Variants in CATSPERB observed in about 807,000 individuals in gnomAD.
CATSPERB encodes catsper channel auxiliary subunit beta, also known as cation channel sperm-associated auxiliary subunit beta.
In CATSPERB, 93 loss-of-function variants were observed where a neutral mutation model predicts 128.3. The observed-to-expected ratio is 0.72, with a 90% CI of 0.61 to 0.86. The LOEUF (loss-of-function observed/expected upper bound fraction) is 0.86. Ranked by LOEUF, CATSPERB falls within the 40% of genes least tolerant of loss-of-function variation. The pLI is 0.00. For synonymous variants in CATSPERB, 381 were observed against 448.8 expected (o/e 0.85, Z 1.91); for missense variants, 1,153 against 1,329.5 (o/e 0.87, Z 2.06).
At chr14:91,699,163 C>T (rs774862917) in intron 7 of CATSPERB, among the ~76,000 whole-genome samples, 6 of 152,178 alleles carry the variant, frequency 3.9e-5, no homozygotes, top group Non-Finnish European at 4.4e-5. Context: ...CTGCTATAAA[C>T]ATATGTGTGC....
chr14:91,704,806 T>C (rs894202608), intron 6 of CATSPERB, 105 bp from the exon 7 acceptor site: 3 of 1,224,974 alleles, frequency 2.4e-6, no homozygotes, highest in African/African-American at 1.5e-5. Context: ...AACTATTCTA[T>C]AGTTCAAAAA....
intron 7 of CATSPERB, among the ~76,000 whole-genome samples, chr14:91,704,138 G>A (rs1170507731): frequency 6.6e-6 from 1 of 152,100 alleles, no homozygotes; most frequent in Non-Finnish European, 1.5e-5. Flanking sequence ...GAGAGAAACA[G>A]TTGTTTCTTT....
chr14:91,655,095 G>A (rs1404190631), intron 15 of CATSPERB, among the ~76,000 whole-genome samples: 1 of 152,186 alleles, frequency 6.6e-6, no homozygotes, highest in Admixed American at 6.5e-5. Flanking sequence ...GTTGGCAATA[G>A]CCAAAGCATT....
At chr14:91,592,143 T>C in intron 22 of CATSPERB, 141 bp from the exon 23 acceptor site, 1 of 667,830 alleles carries the variant, frequency 1.5e-6, no homozygotes, top group South Asian at 1.7e-5. Context: ...TCATTAATAA[T>C]AAAGTAAGAA....
At chr14:91,618,868 T>C (rs769912534) in intron 19 of CATSPERB, among the ~76,000 whole-genome samples, 56 of 152,208 alleles carry the variant, frequency 3.7e-4, no homozygotes, top group Non-Finnish European at 6.2e-4. Context: ...TTTGTTGAAA[T>C]ACAGATTGAG....
chr14:91,610,447 C>G (rs1157121244), intron 21 of CATSPERB, 33 bp downstream of exon 21: 3 of 1,584,142 alleles, frequency 1.9e-6, no homozygotes, highest in Non-Finnish European at 2.6e-6. Context: ...AGCATTGCTT[C>G]TTAAACCAAT....
chr14:91,650,295 CAA>C (rs57193059), intron 15 of CATSPERB, among the ~76,000 whole-genome samples: 43,740 of 151,894 alleles, frequency 0.29, 7,100 homozygotes, highest in Admixed American at 0.47. Flanking sequence ...TGCTTTCAAA[CAA>C]AGTTATTGTG....
At chr14:91,662,343 C>G (rs1041461200) in intron 14 of CATSPERB, among the ~76,000 whole-genome samples, 2 of 152,196 alleles carry the variant, frequency 1.3e-5, no homozygotes, top group African/African-American at 4.8e-5. Context: ...TTTCCCTCAA[C>G]ATTATTTACT....
chr14:91,582,582 T>A (rs1893222969), intron 26 of CATSPERB, among the ~76,000 whole-genome samples: 1 of 152,192 alleles, frequency 6.6e-6, no homozygotes, highest in South Asian at 2.1e-4. Context: ...TCAACTGTTT[T>A]ACATATACCT....
intron 5 of CATSPERB, among the ~76,000 whole-genome samples, chr14:91,708,794 T>A (rs562772455): frequency 6.6e-6 from 1 of 152,350 alleles, no homozygotes; most frequent in African/African-American, 2.4e-5. Context: ...GTCTAAAATA[T>A]CATCTAAAAG....
At chr14:91,681,334 C>A in intron 11 of CATSPERB, among the ~76,000 whole-genome samples, 1 of 152,186 alleles carries the variant, frequency 6.6e-6, no homozygotes, top group Non-Finnish European at 1.5e-5. Flanking sequence ...CTGTGACTCA[C>A]CCCTTCCTAC....
intron 21 of CATSPERB, among the ~76,000 whole-genome samples, chr14:91,608,932 C>T (rs553306154): frequency 1.8e-4 from 28 of 152,260 alleles, no homozygotes; most frequent in African/African-American, 4.3e-4. Context: ...CACCCCAAAA[C>T]TTAACCATTA....
At chr14:91,594,881 A>G (rs1893476474) in intron 22 of CATSPERB, among the ~76,000 whole-genome samples, 1 of 152,236 alleles carries the variant, frequency 6.6e-6, no homozygotes, top group Non-Finnish European at 1.5e-5. Flanking sequence ...CCTGAAGTTT[A>G]AGTTGTCTGG....
At chr14:91,717,429 A>G (rs1895961526) in intron 5 of CATSPERB, among the ~76,000 whole-genome samples, 8 of 152,194 alleles carry the variant, frequency 5.3e-5, no homozygotes, top group Admixed American at 5.2e-4. Flanking sequence ...GTTTACTTTC[A>G]ACAATTATAT....
chr14:91,603,678 T>C (rs1332450901), intron 22 of CATSPERB, among the ~76,000 whole-genome samples: 2 of 152,012 alleles, frequency 1.3e-5, no homozygotes, highest in African/African-American at 4.8e-5. Flanking sequence ...CTTACAATCA[T>C]GGCAGAAGGT....
At chr14:91,719,526 C>T in intron 4 of CATSPERB, 48 bp from the exon 5 acceptor site, 1 of 1,332,794 alleles carries the variant, frequency 7.5e-7, no homozygotes, top group Non-Finnish European at 1.1e-6. Context: ...ACATGAATAA[C>T]AACACATCAC....
intron 22 of CATSPERB, among the ~76,000 whole-genome samples, chr14:91,598,517 T>C (rs4904797): frequency 0.73 from 111,414 of 152,102 alleles, 41,261 homozygotes; most frequent in East Asian, 0.97. Flanking sequence ...TAGTCATGAT[T>C]TAAAGTTATG....
At chr14:91,588,331 T>A (rs1356722131) in intron 24 of CATSPERB, among the ~76,000 whole-genome samples, 1 of 152,052 alleles carries the variant, frequency 6.6e-6, no homozygotes, top group Non-Finnish European at 1.5e-5. Flanking sequence ...TTAGGCCCAA[T>A]ATCTCACATT....
Position 91,589,685 on chromosome 14 carries a change from C to T in CATSPERB, c.2821-16G>A. The T allele has an allele frequency of 6.2e-7, 1 of 1,606,694 alleles. No individual in the cohort carries two copies. Among genetic ancestry groups the T allele is most frequent in the Non-Finnish European group, 8.5e-7 (1 of 1,175,816 alleles). On this transcript the variant is annotated splice_polypyrimidine_tract_variant and intron_variant, in intron 23 of 26. Transcript: ENST00000256343. Reference sequence around the variant, plus strand: ...AGCGAGGAACCTAAAATACAAATTCCAAGAATGAATGTAAACTTGGGAAAG... The same window carrying T: ...AGCGAGGAACCTAAAATACAAATTCTAAGAATGAATGTAAACTTGGGAAAG...
Sources: allele counts gnomAD v4.1 joint callset (sites outside exome capture counted in the v4.1 genomes callset), GRCh38; gene constraint gnomAD v4.1.1; transcripts MANE v1.5; gene names NCBI Gene and HGNC (gene_info 2026-07-23, HGNC 2026-07-21).